Variants in EPHA5 observed in about 807,000 individuals in gnomAD.
The protein encoded by EPHA5 is ephrin type-A receptor 5.
Under a neutral mutation model 105.0 loss-of-function variants are expected in EPHA5, and 60 were observed. The ratio of observed to expected loss-of-function variants is 0.57; its 90% CI spans 0.46 to 0.71. EPHA5 has a LOEUF of 0.71. EPHA5 is among the 30% of genes least tolerant of loss of function. The probability of loss-of-function intolerance (pLI) is 0.00; values close to 1 mark genes in which losing one functional copy is unlikely to be tolerated. For missense variants in EPHA5, 1,218 were observed against 1,274.7 expected (o/e 0.96, Z 0.68); for synonymous variants, 513 against 449.1 (o/e 1.14, Z -1.80).
intron 3 of EPHA5, among the ~76,000 whole-genome samples, chr4:65,591,612 TAAAA>T (rs75075654): frequency 1.9e-3 from 271 of 140,004 alleles, no homozygotes; most frequent in African/African-American, 6.9e-3. Flanking sequence ...TTATTTTTTT[TAAAA>T]AAAAAGCTTC....
intron 2 of EPHA5, among the ~76,000 whole-genome samples, chr4:65,639,374 C>A (rs553189891): frequency 6.6e-6 from 1 of 152,260 alleles, no homozygotes; most frequent in South Asian, 2.1e-4. Flanking sequence ...AATTCTAGCT[C>A]CACAGTCTTT....
intron 8 of EPHA5, among the ~76,000 whole-genome samples, chr4:65,398,980 G>C (rs1182367091): frequency 1.3e-5 from 2 of 152,184 alleles, no homozygotes; most frequent in African/African-American, 4.8e-5. Flanking sequence ...GAGTGGAAGA[G>C]CTGTAACAAA....
chr4:65,530,929 T>C (rs1286406161), intron 3 of EPHA5, among the ~76,000 whole-genome samples: 1 of 152,190 alleles, frequency 6.6e-6, no homozygotes, highest in Non-Finnish European at 1.5e-5. Context: ...GAGATATAAG[T>C]GAAAGTATAA....
intron 8 of EPHA5, among the ~76,000 whole-genome samples, chr4:65,401,930 A>AGAGAAAGAGAGAGAGAGG (rs1280530317): frequency 5.9e-5 from 9 of 151,292 alleles, no homozygotes; most frequent in African/African-American, 1.9e-4. Flanking sequence ...AGAGAGAGAG[A>AGAGAAAGAGAGAGAGAGG]GAAAGAGAGA....
rs538343088 is a variant in EPHA5 at position 65,319,916 on chromosome 4, G to C, written c.*4198C>G. On this transcript the variant is annotated 3_prime_UTR_variant, in exon 17 of 17. Transcript: ENST00000613740. The stretch of plus-strand genomic sequence containing the variant: ...CAGCCTAAAGAGTCATAGATATGTT[G>C]ACCACTGAAACTTCTACTGTGAATA... The C allele has an allele frequency of 4.3e-4, 98 of 229,946 alleles. No individual in the cohort carries two copies. Among genetic ancestry groups the C allele is most frequent in the Non-Finnish European group, 6.4e-4 (74 of 116,022 alleles). 14.2% of individuals were successfully genotyped at this position (229,946 alleles called of 1,614,324 possible). A position where few individuals can be genotyped will look rare whatever the true frequency, so the allele number is the denominator to read the frequency against.
intron 5 of EPHA5, among the ~76,000 whole-genome samples, chr4:65,477,231 G>A (rs1729908228): frequency 6.6e-6 from 1 of 152,132 alleles, no homozygotes; most frequent in Non-Finnish European, 1.5e-5. Context: ...TGAAAACTGA[G>A]CTATCTAGGA....
chr4:65,571,675 AG>A (rs1740198866), intron 3 of EPHA5, among the ~76,000 whole-genome samples: 1 of 152,014 alleles, frequency 6.6e-6, no homozygotes, highest in Non-Finnish European at 1.5e-5. Context: ...GTTGATTCTT[AG>A]GTCTTACGTA....
chr4:65,659,507 C>T (rs920871276), intron 1 of EPHA5, among the ~76,000 whole-genome samples: 2 of 151,874 alleles, frequency 1.3e-5, no homozygotes, highest in East Asian at 3.9e-4. Context: ...TGACCAGCAG[C>T]TGATCAAGCG....
chr4:65,555,840 G>A lies in EPHA5; in HGVS notation c.910+45801C>T, dbSNP rs536223727. Reference sequence around the variant, plus strand: ...TTCAGGAGATAATATTTTCGATTTGGCATTTTCAGCCTGTATTTATTTAGA... The same window carrying A: ...TTCAGGAGATAATATTTTCGATTTGACATTTTCAGCCTGTATTTATTTAGA... On this transcript the variant is annotated intron_variant, in intron 3 of 16. Transcript: ENST00000613740. 3.3e-5 allele frequency among the ~76,000 whole-genome samples: 5 copies of A among 152,020 alleles called. 1 individual carries two copies. Among genetic ancestry groups the A allele is most frequent in the African/African-American group, 1.2e-4 (5 of 41,490 alleles).
intron 8 of EPHA5, chr4:65,376,915 C>T: frequency 7.8e-7 from 1 of 1,276,942 alleles, no homozygotes; most frequent in South Asian, 1.8e-5. Context: ...CAAATGTACA[C>T]AAATGGAGAA....
Position 65,532,095 on chromosome 4 carries a change from C to T in EPHA5, c.911-36552G>A, listed in dbSNP as rs1034718288. Among the ~76,000 whole-genome samples the T allele has an allele frequency of 2.6e-5, 4 of 152,000 alleles. No homozygotes were observed. The South Asian group carries it at 6.2e-4, about 24-fold the overall frequency. On this transcript the variant is annotated intron_variant, in intron 3 of 16. Transcript: ENST00000613740. ...CACTAGGCAGGATAAATGTGATTAT[C>T]CTTATCTTAATATTTGGAAACTCAG...
chr4:65,378,708 A>C (rs1719254608), intron 8 of EPHA5, among the ~76,000 whole-genome samples: 1 of 151,888 alleles, frequency 6.6e-6, no homozygotes, highest in African/African-American at 2.4e-5. Flanking sequence ...CCCTTTAAAA[A>C]CCGTTTGCCC....
chr4:65,661,660 G>A (rs1164419419), intron 1 of EPHA5, among the ~76,000 whole-genome samples: 2 of 147,900 alleles, frequency 1.4e-5, no homozygotes, highest in African/African-American at 2.7e-5. Context: ...TTTGGGTGAA[G>A]CTTTGGGTGA....
chr4:65,328,869 T>C (rs1024411742), intron 16 of EPHA5, among the ~76,000 whole-genome samples: 2 of 151,124 alleles, frequency 1.3e-5, no homozygotes, highest in African/African-American at 4.8e-5. Flanking sequence ...GATAAGTTAA[T>C]AAATCTATTT....
intron 3 of EPHA5, among the ~76,000 whole-genome samples, chr4:65,594,884 A>G (rs1743016337): frequency 6.6e-6 from 1 of 152,118 alleles, no homozygotes. Context: ...ATTTATTAGG[A>G]GTTTTCTGTC....
intron 16 of EPHA5, among the ~76,000 whole-genome samples, chr4:65,329,054 C>T (rs1313194219): frequency 1.3e-5 from 2 of 151,184 alleles, no homozygotes; most frequent in Non-Finnish European, 3.0e-5. Flanking sequence ...GCTGACAGTA[C>T]TGATACGAAA....
chr4:65,533,019 T>C (rs1735966544), intron 3 of EPHA5, among the ~76,000 whole-genome samples: 1 of 152,162 alleles, frequency 6.6e-6, no homozygotes. Context: ...TGACTCTTCC[T>C]TGTCTGTGGC....
chr4:65,623,689 G>A (rs1560786887), intron 2 of EPHA5, among the ~76,000 whole-genome samples: 2 of 152,078 alleles, frequency 1.3e-5, no homozygotes, highest in Non-Finnish European at 2.9e-5. Flanking sequence ...GCTGGAGTCA[G>A]TGACTTCATA....
At chr4:65,384,113 G>T (rs552938830) in intron 8 of EPHA5, among the ~76,000 whole-genome samples, 1 of 151,950 alleles carries the variant, frequency 6.6e-6, no homozygotes, top group South Asian at 2.1e-4. Flanking sequence ...GAGAGGCTGT[G>T]GAAGGCCAAA....
Sources: gnomAD v4.1 joint callset for allele counts (sites outside exome capture counted in the v4.1 genomes callset) on GRCh38, gnomAD v4.1.1 for gene constraint, MANE v1.5 for transcripts, NCBI Gene and HGNC (gene_info 2026-07-23, HGNC 2026-07-21) for gene names.